The following SUSD1 variants were observed in gnomAD, a reference collection of about 807,000 sequenced individuals.
The protein encoded by SUSD1 is sushi domain-containing protein 1.
A neutral mutation model predicts 86.9 loss-of-function variants in SUSD1; 65 were observed. That is an observed-to-expected ratio of 0.75 (90% CI 0.61 to 0.92). SUSD1 has a LOEUF of 0.92. Ranked by LOEUF, SUSD1 falls within the 40% of genes least tolerant of loss-of-function variation. SUSD1 has a pLI of 0.00. For missense variants in SUSD1, 850 were observed against 929.7 expected (o/e 0.91, Z 1.11); for synonymous variants, 346 against 350.0 (o/e 0.99, Z 0.13).
intron 1 of SUSD1, among the ~76,000 whole-genome samples, chr9:112,158,597 G>A (rs1218389936): frequency 6.6e-6 from 1 of 152,002 alleles, no homozygotes; most frequent in African/African-American, 2.4e-5. Context: ...TCCCTATGTT[G>A]TCAAGGCTGG....
chr9:112,065,800 A>T (rs1828950545), intron 12 of SUSD1, among the ~76,000 whole-genome samples: 1 of 152,192 alleles, frequency 6.6e-6, no homozygotes, highest in Admixed American at 6.5e-5. Context: ...AGGCCTGTTG[A>T]GGGAATTAAT....
At chr9:112,070,289 G>A (rs1020657734) in intron 12 of SUSD1, among the ~76,000 whole-genome samples, 1 of 152,188 alleles carries the variant, frequency 6.6e-6, no homozygotes, top group African/African-American at 2.4e-5. Flanking sequence ...TTACAGGCAT[G>A]AGCCACCACG....
intron 10 of SUSD1, among the ~76,000 whole-genome samples, chr9:112,086,620 AG>A (rs1417541147): frequency 1.3e-5 from 2 of 152,024 alleles, no homozygotes; most frequent in African/African-American, 4.8e-5. Context: ...CTACAAGGAA[AG>A]GATTAAAAGT....
At chr9:112,086,811 C>T (rs776351930) in intron 10 of SUSD1, among the ~76,000 whole-genome samples, 1 of 151,038 alleles carries the variant, frequency 6.6e-6, no homozygotes, top group Non-Finnish European at 1.5e-5. Flanking sequence ...TGATTCATGC[C>T]CAGTCTTATC....
intron 13 of SUSD1, 30 bp downstream of exon 13, chr9:112,062,907 G>A (rs951509249): frequency 1.0e-5 from 15 of 1,457,222 alleles, no homozygotes; most frequent in Non-Finnish European, 1.4e-5. Context: ...GGGATCACTG[G>A]GCAACCGTGG....
In SUSD1 at chr9:112,047,406, G is replaced by T. The variant is rs139959009; in HGVS notation, c.2149+4993C>A. On this transcript the variant is annotated intron_variant, in intron 15 of 16. Coordinates refer to ENST00000374270, the MANE Select transcript of SUSD1 (RefSeq NM_022486.5). ...GTACATAGAAGAAAACCGTATTAGG[G>T]CCTTACGAGGCTAGAATCAAGGTCT... Among the ~76,000 whole-genome samples the T allele has an allele frequency of 1.8e-3, 277 of 152,248 alleles. 5 individuals carry two copies. The East Asian group carries it at 0.029, about 16-fold the overall frequency.
chr9:112,124,560 C>A (rs1195870837), intron 5 of SUSD1, 124 bp from the exon 6 acceptor site: 5 of 882,892 alleles, frequency 5.7e-6, no homozygotes, highest in Non-Finnish European at 8.1e-6. Flanking sequence ...AAAACACTAA[C>A]CCCATCAAAT....
Position 112,142,365 on chromosome 9 carries a change from A to G in SUSD1, c.661T>C (p.Cys221Arg). The G allele has an allele frequency of 1.2e-6, 2 of 1,613,932 alleles. No homozygotes were observed. The highest frequency in any genetic ancestry group is 1.7e-6 in the Non-Finnish European group (2 of 1,179,916). The part of the protein sequence containing the change: ...FSVPEDTVSS[C>R]TGLGTWESPK... ...GACTCCCATGTGCCCAGGCCTGTGC[A>G]GCTTGAAACTGTATCTTCTGGAACA... is the stretch of plus-strand genomic sequence containing the variant. Residue 221 changes from cysteine to arginine, a missense_variant, in exon 5 of 17, where the codon TGC becomes CGC. Cys to Arg is a radical substitution (Grantham distance 180). Coordinates refer to ENST00000374270, the MANE Select transcript of SUSD1 (RefSeq NM_022486.5).
intron 15 of SUSD1, among the ~76,000 whole-genome samples, chr9:112,046,582 A>G (rs578113514): frequency 5.4e-4 from 82 of 152,272 alleles, no homozygotes; most frequent in Non-Finnish European, 1.1e-3. Context: ...GAAAGGCCCT[A>G]TTTCTACTCT....
rs763182109 is a variant in SUSD1, at chr9:112,142,524, C to A, written c.527-25G>T. On this transcript the variant is annotated intron_variant, in intron 4 of 16. Coordinates refer to ENST00000374270, the MANE Select transcript of SUSD1 (RefSeq NM_022486.5). ...TCTGAAAATAAATTAATGTCAAATT[C>A]ATTACCTCGTGAATGTAAATCTTCA... The A allele has an allele frequency of 1.9e-6, 3 of 1,601,390 alleles. 1 individual carries two copies. In the South Asian group the frequency reaches 3.3e-5, roughly 18 times the overall value.
chr9:112,157,671 T>C, intron 1 of SUSD1, 58 bp from the exon 2 acceptor site: 1 of 1,417,744 alleles, frequency 7.1e-7, no homozygotes, highest in Non-Finnish European at 9.9e-7. Context: ...ACACATGTAG[T>C]TAGTGGACAT....
intron 11 of SUSD1, among the ~76,000 whole-genome samples, chr9:112,079,237 A>G (rs915092494): frequency 6.7e-6 from 1 of 148,812 alleles, no homozygotes; most frequent in African/African-American, 2.4e-5. Context: ...TACTTAAAAT[A>G]TTATTTGTAT....
Position 112,094,479 on chromosome 9 carries a change from A to G in SUSD1, c.1474+3991T>C, listed in dbSNP as rs183769025. Among the ~76,000 whole-genome samples the G allele has an allele frequency of 2.6e-5, 4 of 152,324 alleles. No individual in the cohort carries two copies. The East Asian group carries it at 7.7e-4, about 29-fold the overall frequency. ...TAAGAAACTCTTTGGGGGCTAAAGT[A>G]GAAAAAAAGTCCAGTGGAATTATTA... On this transcript the variant is annotated intron_variant, in intron 10 of 16. Transcript: ENST00000374270.
intron 10 of SUSD1, among the ~76,000 whole-genome samples, chr9:112,081,687 A>G (rs1264685368): frequency 6.6e-6 from 1 of 152,242 alleles, no homozygotes; most frequent in Admixed American, 6.5e-5. Flanking sequence ...GGCACAGCCA[A>G]TCACTAAACA....
chr9:112,094,012 T>C (rs1830301820), intron 10 of SUSD1, among the ~76,000 whole-genome samples: 1 of 152,060 alleles, frequency 6.6e-6, no homozygotes, highest in Non-Finnish European at 1.5e-5. Flanking sequence ...GTAGCTAAGG[T>C]TTATGTGGTT....
intron 14 of SUSD1, among the ~76,000 whole-genome samples, chr9:112,055,381 T>G (rs1458453192): frequency 6.6e-6 from 1 of 152,130 alleles, no homozygotes; most frequent in Non-Finnish European, 1.5e-5. Flanking sequence ...GACCTGTGAT[T>G]GGGCCACTGC....
At chr9:112,044,989 GA>G (rs2118836948) in intron 15 of SUSD1, among the ~76,000 whole-genome samples, 1 of 152,290 alleles carries the variant, frequency 6.6e-6, no homozygotes, top group South Asian at 2.1e-4. Context: ...TAAATCACAT[GA>G]AAAACATGAT....
chr9:112,157,345 T>C (rs1833371275), intron 2 of SUSD1, among the ~76,000 whole-genome samples, 155 bp downstream of exon 2: 1 of 152,168 alleles, frequency 6.6e-6, no homozygotes, highest in African/African-American at 2.4e-5. Flanking sequence ...ATCCAAACAC[T>C]AAAACAAAGA....
Position 112,142,481 on chromosome 9 carries a change from G to T in SUSD1, c.545C>A (p.Pro182His). Reference protein sequence around the residue: ...TSCTEIDCGTPPEVPDGYIIG... With the variant: ...TSCTEIDCGTHPEVPDGYIIG... ...GATATAGCCATCTGGAACCTCAGGA[G>T]GGGTACCACAGTCTATTTCTGAAAA... The change falls in exon 5 of 17, where the codon CCT (proline) becomes CAT (histidine). Residue 182 changes from proline to histidine, a missense_variant. Transcript: ENST00000374270. 6.2e-7 allele frequency: 1 copy of T among 1,611,154 alleles called. No individual in the cohort carries two copies. The highest frequency in any genetic ancestry group is 1.1e-5 in the South Asian group (1 of 90,640).
Sources: allele counts gnomAD v4.1 joint callset (sites outside exome capture counted in the v4.1 genomes callset), GRCh38; gene constraint gnomAD v4.1.1; transcripts MANE v1.5; gene names NCBI Gene and HGNC (gene_info 2026-07-23, HGNC 2026-07-21).